The following ZNF92 variants were observed in gnomAD, a reference collection of about 807,000 sequenced individuals.
ZNF92 encodes zinc finger protein 92, also known as epididymis luminal protein 203.
Under a neutral mutation model 12.4 loss-of-function variants are expected in ZNF92, and 11 were observed. The ratio of observed to expected loss-of-function variants is 0.89; its 90% CI spans 0.56 to 1.47. The LOEUF (loss-of-function observed/expected upper bound fraction) is 1.47, where lower values mean the gene tolerates loss of function less well. Ranked by LOEUF, ZNF92 falls within the 40% of genes most tolerant of loss-of-function variation. ZNF92 has a pLI of 0.00. For missense variants in ZNF92, 622 were observed against 681.0 expected (o/e 0.91, Z 0.96); for synonymous variants, 206 against 228.6 (o/e 0.90, Z 0.89).
In ZNF92 at chr7:65,400,705, C is replaced by A. The variant is rs973292737; in HGVS notation, c.*830C>A. On this transcript the variant is annotated 3_prime_UTR_variant, in exon 4 of 4. Coordinates refer to ENST00000328747, the MANE Select transcript of ZNF92 (RefSeq NM_152626.4). Reference sequence around the variant, plus strand: ...AATTACATTCAAAGTATACTTTTTTCTTGAAAAAAATTACAGATTTTTTGA... The same window carrying A: ...AATTACATTCAAAGTATACTTTTTTATTGAAAAAAATTACAGATTTTTTGA... 2 of 151,686 alleles carry A rather than the reference C, an allele frequency of 1.3e-5. No homozygotes were observed. Among genetic ancestry groups the A allele is most frequent in the African/African-American group, 4.8e-5 (2 of 41,354 alleles). The allele number at this position is 151,686 out of a possible 1,614,324, so 9.4% of individuals were successfully genotyped here.
chr7:65,382,961 C>T (rs185608577), intron 1 of ZNF92, among the ~76,000 whole-genome samples: 105 of 152,192 alleles, frequency 6.9e-4, no homozygotes, highest in Middle Eastern at 3.4e-3. Context: ...GCTATTGCCA[C>T]GAGTAGCTAT....
At chr7:65,381,254 C>T (rs1199700162) in intron 1 of ZNF92, among the ~76,000 whole-genome samples, 1 of 151,982 alleles carries the variant, frequency 6.6e-6, no homozygotes, top group East Asian at 1.9e-4. Flanking sequence ...ACCTTGTGAT[C>T]CACCCACCTT....
chr7:65,387,569 C>G (rs1208460143), intron 1 of ZNF92, among the ~76,000 whole-genome samples: 1 of 149,364 alleles, frequency 6.7e-6, no homozygotes, highest in Non-Finnish European at 1.5e-5. Context: ...TTTGAGAGGT[C>G]ACTTCTAACT....
intron 3 of ZNF92, among the ~76,000 whole-genome samples, chr7:65,393,279 G>C (rs1793765884): frequency 2.0e-5 from 3 of 152,004 alleles, no homozygotes; most frequent in Admixed American, 1.3e-4. Context: ...CCATCATTTT[G>C]TTACTGGCTT....
chr7:65,380,830 C>G (rs900759182), intron 1 of ZNF92, among the ~76,000 whole-genome samples: 2 of 152,076 alleles, frequency 1.3e-5, no homozygotes, highest in African/African-American at 4.8e-5. Context: ...TAAGCATTCT[C>G]TTTACCCTGC....
chr7:65,384,625 C>T (rs1000160015), intron 1 of ZNF92, among the ~76,000 whole-genome samples: 1 of 152,096 alleles, frequency 6.6e-6, no homozygotes, highest in Non-Finnish European at 1.5e-5. Flanking sequence ...AGTAGTTGCT[C>T]CACAAGCCAC....
chr7:65,396,881 TC>T (rs1291174520), intron 3 of ZNF92, among the ~76,000 whole-genome samples: 22 of 152,174 alleles, frequency 1.4e-4, no homozygotes, highest in African/African-American at 5.1e-4. Flanking sequence ...TTTTGGAAAA[TC>T]TATTTTTTTC....
intron 2 of ZNF92, 145 bp from the exon 3 acceptor site, chr7:65,388,661 A>T: frequency 1.6e-6 from 1 of 640,454 alleles, no homozygotes; most frequent in Non-Finnish European, 2.3e-6. Flanking sequence ...CTACAAATTT[A>T]AAATATTTAG....
chr7:65,381,970 A>G (rs1045785373), intron 1 of ZNF92, among the ~76,000 whole-genome samples: 6 of 152,216 alleles, frequency 3.9e-5, no homozygotes, highest in Admixed American at 2.6e-4. Context: ...CAAATAGCCA[A>G]AAAGAGAGCA....
In ZNF92 at chr7:65,374,040, G is replaced by T. The variant is rs372009198; in HGVS notation, c.3+40G>T. On this transcript the variant is annotated intron_variant, in intron 1 of 3. Transcript: ENST00000328747. Reference sequence around the variant, plus strand: ...TCCCACATCCCGAGAGAGGGGGAGGGTCTGGCTGGAACCGATTGGAAGTGG... The same window carrying T: ...TCCCACATCCCGAGAGAGGGGGAGGTTCTGGCTGGAACCGATTGGAAGTGG... 3 of 1,614,000 alleles carry T rather than the reference G, an allele frequency of 1.9e-6. No homozygotes were observed. The Admixed American group carries it at 5.0e-5, about 27-fold the overall frequency.
At chr7:65,393,887 ATTTC>A (rs1215429409) in intron 3 of ZNF92, among the ~76,000 whole-genome samples, 6 of 151,416 alleles carry the variant, frequency 4.0e-5, no homozygotes, top group East Asian at 1.9e-4. Context: ...AAGTTCAATT[ATTTC>A]TTCATTTCTG....
intron 1 of ZNF92, among the ~76,000 whole-genome samples, chr7:65,387,629 T>TTCA (rs1197224873): frequency 5.3e-5 from 8 of 151,604 alleles, no homozygotes; most frequent in Admixed American, 4.0e-4. Flanking sequence ...TACGTTTGTG[T>TTCA]TCATGCCCTT....
Position 65,377,150 on chromosome 7 carries a change from C to T in ZNF92, c.3+3150C>T, listed in dbSNP as rs1401181321. Among the ~76,000 whole-genome samples the T allele has an allele frequency of 1.3e-5, 2 of 152,072 alleles. 1 individual carries two copies. The highest frequency in any genetic ancestry group is 2.9e-5 in the Non-Finnish European group (2 of 68,024). ...TGTAAGCACCTTAAAATTTCCTTCCCTCGTATTTATACTGTGTTTGAGTAA... is the reference window on the plus strand; with the variant it reads ...TGTAAGCACCTTAAAATTTCCTTCCTTCGTATTTATACTGTGTTTGAGTAA... On this transcript the variant is annotated intron_variant, in intron 1 of 3. Transcript: ENST00000328747.
At chr7:65,378,775 T>C (rs1429213492) in intron 1 of ZNF92, among the ~76,000 whole-genome samples, 1 of 152,032 alleles carries the variant, frequency 6.6e-6, no homozygotes, top group African/African-American at 2.4e-5. Context: ...TTTTGACCAC[T>C]GAAGCCAAAT....
intron 3 of ZNF92, among the ~76,000 whole-genome samples, chr7:65,394,372 C>A (rs1446518528): frequency 6.6e-6 from 1 of 151,986 alleles, no homozygotes; most frequent in Non-Finnish European, 1.5e-5. Context: ...TAGAAGGGTT[C>A]ATTTCTAGGC....
At chr7:65,380,143 A>C (rs566804284) in intron 1 of ZNF92, among the ~76,000 whole-genome samples, 10 of 152,144 alleles carry the variant, frequency 6.6e-5, no homozygotes, top group Admixed American at 2.0e-4. Context: ...TTAGTTTTCT[A>C]AGGATAATGG....
chr7:65,399,623 C>A lies in ZNF92; in HGVS notation c.1509C>A (p.His503Gln). 1 of 1,613,462 alleles carries A rather than the reference C, an allele frequency of 6.2e-7. No individual in the cohort carries two copies. The highest frequency in any genetic ancestry group is 8.5e-7 in the Non-Finnish European group (1 of 1,179,712). The part of the protein sequence containing the change: ...SSIFTKHKII[H>Q]TEGKSYKCEK... ...TTTTTACTAAACATAAGATAATTCA[C>A]ACTGAAGGGAAATCCTACAAATGTG... The change falls in exon 4 of 4, where the codon CAC (histidine) becomes CAA (glutamine). Residue 503 changes from histidine (H) to glutamine (Q), a missense_variant. Physicochemically the swap from His to Gln is conservative, Grantham distance 24. Coordinates refer to ENST00000328747, the MANE Select transcript of ZNF92 (RefSeq NM_152626.4).
chr7:65,398,277 A>G, intron 3 of ZNF92, 64 bp from the exon 4 acceptor site: 1 of 1,344,392 alleles, frequency 7.4e-7, no homozygotes, highest in Non-Finnish European at 9.9e-7. Flanking sequence ...TATAGGTTAA[A>G]TTTGTAAAGT....
chr7:65,375,719 A>G (rs751049115), intron 1 of ZNF92, among the ~76,000 whole-genome samples: 1 of 151,756 alleles, frequency 6.6e-6, no homozygotes, highest in Non-Finnish European at 1.5e-5. Context: ...ATGGTGGTGC[A>G]TGCCTGTAAT....
Sources: gnomAD v4.1 joint callset for allele counts (sites outside exome capture counted in the v4.1 genomes callset) on GRCh38, gnomAD v4.1.1 for gene constraint, MANE v1.5 for transcripts, NCBI Gene and HGNC (gene_info 2026-07-23, HGNC 2026-07-21) for gene names.